The following PRRX1 variants were observed in gnomAD, a reference collection of about 807,000 sequenced individuals.
The protein encoded by PRRX1 is paired mesoderm homeobox protein 1.
PRRX1 carries 8 observed loss-of-function variants against 24.0 expected under a neutral mutation model. That is an observed-to-expected ratio of 0.33 (90% CI 0.20 to 0.60). The LOEUF is 0.60. Ranked by LOEUF, PRRX1 falls within the 20% of genes least tolerant of loss-of-function variation. The pLI, the probability that PRRX1 is intolerant of heterozygous loss-of-function variation, is 0.82. For synonymous variants in PRRX1, 160 were observed against 131.7 expected (o/e 1.22, Z -1.47); for missense variants, 281 against 322.4 (o/e 0.87, Z 0.98).
intron 1 of PRRX1, among the ~76,000 whole-genome samples, chr1:170,703,491 A>G (rs1290067298): frequency 6.6e-6 from 1 of 152,242 alleles, no homozygotes; most frequent in Non-Finnish European, 1.5e-5. Context: ...TTGGTAAATC[A>G]TATTGACTTG....
intron 1 of PRRX1, among the ~76,000 whole-genome samples, chr1:170,717,608 CT>C (rs879901322): frequency 1.2e-3 from 171 of 139,340 alleles, no homozygotes; most frequent in East Asian, 1.4e-3. Context: ...AAGGATTTTT[CT>C]TTTTTTTTTT....
chr1:170,694,385 C>T (rs1478806456), intron 1 of PRRX1, among the ~76,000 whole-genome samples: 1 of 152,112 alleles, frequency 6.6e-6, no homozygotes, highest in African/African-American at 2.4e-5. Flanking sequence ...TCACACAGAA[C>T]AGCTGTTTTC....
intron 1 of PRRX1, among the ~76,000 whole-genome samples, chr1:170,666,871 A>G (rs1425378653): frequency 6.6e-6 from 1 of 151,994 alleles, no homozygotes; most frequent in Non-Finnish European, 1.5e-5. Flanking sequence ...GAAGCTAGCT[A>G]TGGAGCGCCC....
chr1:170,670,765 T>C (rs954363059), intron 1 of PRRX1, among the ~76,000 whole-genome samples: 1 of 152,098 alleles, frequency 6.6e-6, no homozygotes, highest in Non-Finnish European at 1.5e-5. Context: ...CAAATGGTGG[T>C]TGGTTAAGGA....
chr1:170,696,531 A>T (rs12123292), intron 1 of PRRX1, among the ~76,000 whole-genome samples: 7,002 of 152,214 alleles, frequency 0.046, 233 homozygotes, highest in Middle Eastern at 0.12. Flanking sequence ...TACGAATTCA[A>T]TTTTCCAGTT....
At chr1:170,694,499 T>G (rs1180333601) in intron 1 of PRRX1, among the ~76,000 whole-genome samples, 1 of 152,172 alleles carries the variant, frequency 6.6e-6, no homozygotes, top group African/African-American at 2.4e-5. Flanking sequence ...AGAGGCATAT[T>G]CCCTATATAA....
At chr1:170,693,280 G>C (rs529316741) in intron 1 of PRRX1, among the ~76,000 whole-genome samples, 1 of 152,046 alleles carries the variant, frequency 6.6e-6, no homozygotes, top group Non-Finnish European at 1.5e-5. Flanking sequence ...CTGTAGAAAG[G>C]TTCTAAATAT....
intron 1 of PRRX1, among the ~76,000 whole-genome samples, chr1:170,680,585 A>G (rs1481001732): frequency 6.6e-6 from 1 of 152,330 alleles, no homozygotes; most frequent in East Asian, 1.9e-4. Flanking sequence ...GCATACTGGC[A>G]GCATACTCAG....
chr1:170,705,969 A>AC (rs1553253698), intron 1 of PRRX1, among the ~76,000 whole-genome samples: 3 of 121,386 alleles, frequency 2.5e-5, no homozygotes, highest in South Asian at 3.1e-4. Context: ...CACACACACA[A>AC]ACATTTTATG....
At chr1:170,669,665 T>C (rs1468678671) in intron 1 of PRRX1, among the ~76,000 whole-genome samples, 1 of 151,872 alleles carries the variant, frequency 6.6e-6, no homozygotes, top group Non-Finnish European at 1.5e-5. Context: ...CACACCACCA[T>C]CGCAGACCCC....
At chr1:170,665,913 C>T (rs938844137) in intron 1 of PRRX1, among the ~76,000 whole-genome samples, 3 of 152,184 alleles carry the variant, frequency 2.0e-5, no homozygotes, top group African/African-American at 7.2e-5. Context: ...GAAAGGTGGC[C>T]AACTCTGAGG....
intron 3 of PRRX1, among the ~76,000 whole-genome samples, chr1:170,733,889 C>A (rs1450644899): frequency 6.6e-6 from 1 of 152,008 alleles, no homozygotes; most frequent in African/African-American, 2.4e-5. Flanking sequence ...CATATATGGG[C>A]TTTGAAAATA....
intron 1 of PRRX1, among the ~76,000 whole-genome samples, chr1:170,704,772 C>T (rs933081117): frequency 8.5e-5 from 13 of 152,154 alleles, no homozygotes; most frequent in Non-Finnish European, 1.5e-4. Flanking sequence ...AAAACATTTC[C>T]AAATCTTCAA....
chr1:170,693,825 T>C lies in PRRX1; in HGVS notation c.242-25901T>C, dbSNP rs115246656. Among the ~76,000 whole-genome samples, 470 of 152,160 alleles carry C rather than the reference T, an allele frequency of 3.1e-3. 5 individuals are homozygous for C. The highest frequency in any genetic ancestry group is 0.01 in the African/African-American group (431 of 41,540). ...TATTCTCTAAGAAATCTGATCCGAA[T>C]GGGGAAAATGAGATGTAGCGGCAAG... On this transcript the variant is annotated intron_variant, in intron 1 of 3. Coordinates refer to ENST00000239461, the MANE Select transcript of PRRX1 (RefSeq NM_022716.4).
intron 1 of PRRX1, among the ~76,000 whole-genome samples, chr1:170,712,077 C>A (rs1244755500): frequency 6.6e-6 from 1 of 152,200 alleles, no homozygotes; most frequent in African/African-American, 2.4e-5. Flanking sequence ...CTGTCTTTAG[C>A]TCTTGGCTTT....
chr1:170,714,254 C>T (rs1233715292), intron 1 of PRRX1, among the ~76,000 whole-genome samples: 2 of 152,160 alleles, frequency 1.3e-5, no homozygotes, highest in Admixed American at 6.5e-5. Flanking sequence ...TGCAATTACA[C>T]TTCCTTTCAA....
chr1:170,734,265 A>C lies in PRRX1; in HGVS notation c.600-1783A>C, dbSNP rs551529688. ...TTTAGAAATCATTGCTCACAGCAGA[A>C]TGACAGAAACCAATGACATCGAGCA... On this transcript the variant is annotated intron_variant, in intron 3 of 3. Transcript: ENST00000239461. Among the ~76,000 whole-genome samples the C allele has an allele frequency of 4.7e-5, 7 of 150,508 alleles. No homozygotes were observed. In the South Asian group the frequency reaches 1.5e-3, roughly 31 times the overall value.
upstream of PRRX1, chr1:170,664,045 A>ATTT (rs11286665): frequency 1.4e-4 from 76 of 548,930 alleles, no homozygotes; most frequent in South Asian, 4.1e-4. Flanking sequence ...CTCTTTTCCA[A>ATTT]TTTTTTTTTT....
Position 170,726,348 on chromosome 1 carries a change from T to C in PRRX1, c.546T>C (p.Arg182=). The change falls in exon 3 of 4, where the codon CGT becomes CGC. Residue 182 remains arginine (R), a synonymous_variant. Transcript: ENST00000239461. ...VTAVEQPIVP[R]PAPRPTDYLS... is the part of the protein sequence containing the mutation. ...CTGTGGAGCAGCCCATCGTACCTCG[T>C]CCTGCTCCGAGACCCACCGATTATC... 6.2e-7 allele frequency: 1 copy of C among 1,614,110 alleles called. No homozygotes were observed. The highest frequency in any genetic ancestry group is 2.2e-5 in the East Asian group (1 of 44,866).
Sources: gnomAD v4.1 joint callset for allele counts (sites outside exome capture counted in the v4.1 genomes callset) on GRCh38, gnomAD v4.1.1 for gene constraint, MANE v1.5 for transcripts, NCBI Gene and HGNC (gene_info 2026-07-23, HGNC 2026-07-21) for gene names.